Variants in MSL3B observed in about 807,000 individuals in gnomAD.
MSL3B encodes MSL complex subunit 3 pseudogene 1.
chr2:233,867,249 T>C, the MSL3B span: 1 of 758,716 alleles, frequency 1.3e-6, no homozygotes, highest in Non-Finnish European at 2.4e-6. Context: ...TTTTCTTCAA[T>C]ATCACATTCT....
chr2:233,866,485 C>CA, the MSL3B span: 4 of 1,263,304 alleles, frequency 3.2e-6, no homozygotes, highest in Non-Finnish European at 4.6e-6. Flanking sequence ...GGCTAGGAGT[C>CA]AGAGTAGGTG....
the MSL3B span, chr2:233,867,125 T>G: frequency 2.3e-6 from 2 of 857,574 alleles, no homozygotes; most frequent in East Asian, 4.8e-5. Flanking sequence ...CCGATTAATG[T>G]AGTAACAATC....
At chr2:233,866,350 G>A in the MSL3B span, 4 of 837,174 alleles carry the variant, frequency 4.8e-6, no homozygotes, top group African/African-American at 6.7e-5. Flanking sequence ...CCCCGTAAAT[G>A]TAAGAGGGTG....
chr2:233,866,146 G>A, the MSL3B span: 2 of 609,652 alleles, frequency 3.3e-6, no homozygotes, highest in Non-Finnish European at 6.5e-6. Context: ...TGACTGCCTG[G>A]GGGTTCCTGG....
the MSL3B span, among the ~76,000 whole-genome samples, chr2:233,864,859 C>G: frequency 1.3e-5 from 2 of 152,208 alleles, no homozygotes; most frequent in Admixed American, 1.3e-4. Flanking sequence ...AGCCTTGTGA[C>G]ATACCTTATC....
chr2:233,865,921 C>G, the MSL3B span: 1 of 335,978 alleles, frequency 3.0e-6, no homozygotes, highest in South Asian at 2.5e-5. Flanking sequence ...AGTGTCATGT[C>G]AGAACACTTT....
chr2:233,866,379 G>A, the MSL3B span: 2 of 926,150 alleles, frequency 2.2e-6, no homozygotes, highest in South Asian at 1.3e-5. Context: ...TGGTCACCTG[G>A]TGGGTAATTG....
At chr2:233,866,092 A>G in the MSL3B span, 2 of 520,668 alleles carry the variant, frequency 3.8e-6, no homozygotes, top group African/African-American at 2.0e-5. Flanking sequence ...TCAGAACACC[A>G]TGCTAGATGG....
At chr2:233,867,243 C>T in the MSL3B span, 1 of 762,728 alleles carries the variant, frequency 1.3e-6, no homozygotes, top group East Asian at 2.4e-5. Context: ...TCAGTCTTTT[C>T]TTCAATATCA....
At chr2:233,866,383 G>A in the MSL3B span, 1 of 947,492 alleles carries the variant, frequency 1.1e-6, no homozygotes, top group Non-Finnish European at 1.7e-6. Context: ...CACCTGGTGG[G>A]TAATTGTCAG....
At chr2:233,867,409 T>C in the MSL3B span, 3 of 517,612 alleles carry the variant, frequency 5.8e-6, no homozygotes, top group Non-Finnish European at 1.1e-5. Context: ...TCTTTCTCTC[T>C]TGCTCCTCAG....
the MSL3B span, among the ~76,000 whole-genome samples, chr2:233,864,901 T>C: frequency 1.3e-5 from 2 of 150,358 alleles, no homozygotes; most frequent in Admixed American, 1.3e-4. Context: ...ATTATGATAA[T>C]CTAGGAAGAA....
At chr2:233,865,781 GAAAC>G in the MSL3B span, 9 of 167,470 alleles carry the variant, frequency 5.4e-5, no homozygotes, top group Non-Finnish European at 1.2e-4. Flanking sequence ...AACAAATAAC[GAAAC>G]AATGTGGTTC....
At chr2:233,866,471 T>A in the MSL3B span, 1 of 1,271,082 alleles carries the variant, frequency 7.9e-7, no homozygotes, top group Non-Finnish European at 1.1e-6. Flanking sequence ...AGGACTCCCT[T>A]CCTGGCTAGG....
chr2:233,868,066 G>A, the MSL3B span: 1 of 260,428 alleles, frequency 3.8e-6, no homozygotes, highest in Non-Finnish European at 8.4e-6. Context: ...TGGGAAACAG[G>A]CGTGAGGCAC....
chr2:233,867,310 T>G, the MSL3B span: 1 of 701,988 alleles, frequency 1.4e-6, no homozygotes, highest in Non-Finnish European at 2.6e-6. Flanking sequence ...AACTGCTTAA[T>G]GAGTTTTCAT....
At chr2:233,867,532 G>A in the MSL3B span, 3,554 of 290,328 alleles carry the variant, frequency 0.012, 120 homozygotes, top group East Asian at 0.1. Flanking sequence ...ATGGAGTGCG[G>A]TGGCGCGGTC....
the MSL3B span, chr2:233,867,263 CTTATT>C: frequency 1.3e-6 from 1 of 751,922 alleles, no homozygotes; most frequent in Non-Finnish European, 2.5e-6. Flanking sequence ...ACATTCTTCA[CTTATT>C]TTTTCATCCT....
At chr2:233,867,039 T>C in the MSL3B span, 4 of 1,247,438 alleles carry the variant, frequency 3.2e-6, no homozygotes, top group Middle Eastern at 1.9e-4. Flanking sequence ...GCTGCACTGA[T>C]AGCAAAATGC....
Sources: gnomAD v4.1 joint callset for allele counts (sites outside exome capture counted in the v4.1 genomes callset) on GRCh38, gnomAD v4.1.1 for gene constraint, MANE v1.5 for transcripts, NCBI Gene and HGNC (gene_info 2026-07-23, HGNC 2026-07-21) for gene names.